PCDHA9: variants seen among roughly 807,000 people sequenced by gnomAD.
PCDHA9 encodes protocadherin alpha-9.
A neutral mutation model predicts 62.0 loss-of-function variants in PCDHA9; 62 were observed. That is an observed-to-expected ratio of 1.00 (90% CI 0.81 to 1.23). PCDHA9 has a LOEUF of 1.23. Among genes scored for constraint, PCDHA9 ranks in the 50% most tolerant of loss-of-function variants. The pLI is 0.00. For synonymous variants in PCDHA9, 557 were observed against 567.6 expected (o/e 0.98, Z 0.27); for missense variants, 1,205 against 1,249.8 (o/e 0.96, Z 0.54).
intron 3 of PCDHA9, among the ~76,000 whole-genome samples, chr5:140,994,117 G>C (rs889813029): frequency 6.6e-6 from 1 of 152,198 alleles, no homozygotes; most frequent in Non-Finnish European, 1.5e-5. Flanking sequence ...ATTGTCATGT[G>C]ATAAGGGCGA....
At chr5:141,003,870 C>A (rs1345140541) in intron 3 of PCDHA9, among the ~76,000 whole-genome samples, 8 of 152,148 alleles carry the variant, frequency 5.3e-5, no homozygotes, top group Admixed American at 3.9e-4. Flanking sequence ...GTCTGAAATC[C>A]TCCTTCTAGC....
chr5:140,968,488 C>A, intron 1 of PCDHA9: 1 of 1,614,148 alleles, frequency 6.2e-7, no homozygotes, highest in South Asian at 1.1e-5. Context: ...ACATGAATGA[C>A]CATGCCCCTC....
At chr5:141,006,483 G>T (rs1351534173) in intron 3 of PCDHA9, among the ~76,000 whole-genome samples, 1 of 152,126 alleles carries the variant, frequency 6.6e-6, no homozygotes, top group Non-Finnish European at 1.5e-5. Context: ...AAAGTGCTGG[G>T]ATTACATGTG....
chr5:140,923,280 A>C (rs2081292990), intron 1 of PCDHA9, among the ~76,000 whole-genome samples: 1 of 152,220 alleles, frequency 6.6e-6, no homozygotes, highest in South Asian at 2.1e-4. Context: ...CTCTACAAAA[A>C]ATTAAAAATT....
At chr5:140,966,777 C>T (rs1554228636) in intron 1 of PCDHA9, 2 of 1,510,822 alleles carry the variant, frequency 1.3e-6, no homozygotes, top group Non-Finnish European at 1.8e-6. Context: ...ATGGAGCAGG[C>T]GGGCACCAGA....
chr5:140,896,188 G>C (rs1554186861), intron 1 of PCDHA9, among the ~76,000 whole-genome samples: 1 of 152,132 alleles, frequency 6.6e-6, no homozygotes, highest in Non-Finnish European at 1.5e-5. Context: ...ATTGTGAATA[G>C]TGCCATGATG....
intron 1 of PCDHA9, chr5:140,926,648 G>A (rs1319870606): frequency 2.5e-5 from 12 of 475,704 alleles, no homozygotes; most frequent in Non-Finnish European, 3.5e-6. Context: ...CACCCGGCCG[G>A]CTCCGCTTTC....
intron 1 of PCDHA9, chr5:140,883,930 C>A: frequency 2.5e-6 from 4 of 1,613,066 alleles, no homozygotes; most frequent in Non-Finnish European, 3.4e-6. Flanking sequence ...TGCAGGTGTT[C>A]GTGCTGGACG....
chr5:140,993,786 C>G (rs2097581960), intron 3 of PCDHA9, among the ~76,000 whole-genome samples: 1 of 152,162 alleles, frequency 6.6e-6, no homozygotes, highest in Admixed American at 6.5e-5. Flanking sequence ...TGTACAGTAA[C>G]ATGCTGTGCA....
chr5:140,957,133 A>G (rs1308855631), intron 1 of PCDHA9, among the ~76,000 whole-genome samples: 4 of 152,222 alleles, frequency 2.6e-5, no homozygotes, highest in African/African-American at 9.6e-5. Context: ...TTACTACACT[A>G]TGAACTAAAA....
intron 1 of PCDHA9, among the ~76,000 whole-genome samples, chr5:140,914,309 C>A (rs1461023041): frequency 1.3e-5 from 2 of 152,082 alleles, no homozygotes; most frequent in Non-Finnish European, 2.9e-5. Flanking sequence ...TGAATTGACC[C>A]CATTATCATT....
intron 1 of PCDHA9, chr5:140,883,057 G>A (rs781846985): frequency 1.2e-6 from 2 of 1,614,006 alleles, no homozygotes; most frequent in South Asian, 1.1e-5. Flanking sequence ...TAGTGATCAA[G>A]CTAAATGCCA....
At position 140,852,928 on chromosome 5, in the gene PCDHA9, G is replaced by A. The variant is rs2150525567; in HGVS notation, c.2394+2039G>A. 7.3e-5 allele frequency: 48 copies of A among 653,604 alleles called. 1 individual carries two copies. The highest frequency in any genetic ancestry group is 1.3e-4 in the East Asian group (1 of 7,716). 40.5% of individuals were successfully genotyped at this position (653,604 alleles called of 1,614,324 possible). ...GAGTCTCGCTCTGTTGCCCAGGCTG[G>A]AGTGCAGTGGTGCCATCTTGGCTCA... On this transcript the variant is annotated intron_variant, in intron 1 of 3. Transcript: ENST00000532602.
In PCDHA9 at chr5:140,849,582, G is replaced by T. The variant is rs2150441329; in HGVS notation, c.1087G>T (p.Ala363Ser). 1.0e-5 allele frequency: 16 copies of T among 1,598,576 alleles called. 1 individual carries two copies. Among genetic ancestry groups the T allele is most frequent in the African/African-American group, 1.3e-5 (1 of 74,328 alleles). The change falls in exon 1 of 4, where the codon GCA (alanine) becomes TCA (serine). Residue 363 changes from alanine to serine, a missense_variant. Around this residue, in one of 3 missense-constraint regions of PCDHA9, gnomAD observed 887 missense variants for 809.5 expected, o/e 1.10. Transcript: ENST00000532602. ...KTLSVPVKED[A>S]QLGTVIALIS... ...GCTCTCGGTTCCTGTAAAAGAGGAC[G>T]CACAACTGGGGACAGTTATTGCCCT...
intron 1 of PCDHA9, chr5:140,884,716 GTTGT>G (rs782735758): frequency 2.8e-5 from 41 of 1,468,898 alleles, no homozygotes; most frequent in Middle Eastern, 3.6e-4. Flanking sequence ...CTTCCTTGCA[GTTGT>G]TTGTTTAAGA....
intron 1 of PCDHA9, chr5:140,883,153 A>G (rs1268982674): frequency 2.5e-6 from 4 of 1,614,120 alleles, no homozygotes; most frequent in Non-Finnish European, 8.5e-7. Flanking sequence ...CATTTACCAT[A>G]AATCCGAACA....
At chr5:140,912,441 G>A (rs1460671133) in intron 1 of PCDHA9, among the ~76,000 whole-genome samples, 2 of 151,478 alleles carry the variant, frequency 1.3e-5, no homozygotes, top group Non-Finnish European at 2.9e-5. Flanking sequence ...GCTGATTTGT[G>A]TGCATTGATT....
chr5:140,982,224 A>G (rs893184323), intron 2 of PCDHA9: 8 of 587,202 alleles, frequency 1.4e-5, no homozygotes, highest in South Asian at 3.8e-5. Flanking sequence ...TGGCGTTAAT[A>G]AAAAACAGAA....
intron 1 of PCDHA9, among the ~76,000 whole-genome samples, chr5:140,906,640 G>A (rs1465278194): frequency 6.6e-6 from 1 of 152,210 alleles, no homozygotes; most frequent in African/African-American, 2.4e-5. Context: ...ACCTCAGCAG[G>A]TAGTGGTTTT....
Sources: allele counts gnomAD v4.1 joint callset (sites outside exome capture counted in the v4.1 genomes callset), GRCh38; gene constraint gnomAD v4.1.1; regional missense constraint gnomAD v4.1.1; transcripts MANE v1.5; gene names NCBI Gene and HGNC (gene_info 2026-07-23, HGNC 2026-07-21).